MID1: variants seen among roughly 807,000 people sequenced by gnomAD.
MID1 encodes E3 ubiquitin-protein ligase Midline-1.
A neutral mutation model predicts 40.4 loss-of-function variants in MID1; 7 were observed. The observed-to-expected ratio is 0.17, with a 90% CI of 0.10 to 0.33. The LOEUF is 0.33. Among genes scored for constraint, MID1 ranks in the 10% least tolerant of loss-of-function variants. The pLI is 1.00. For missense variants in MID1, 367 were observed against 558.5 expected (o/e 0.66, Z 3.46); for synonymous variants, 229 against 221.2 (o/e 1.04, Z -0.31).
chrX:10,469,719 G>A lies in MID1; in HGVS notation c.1263C>T (p.Phe421=). 1 of 1,211,598 alleles carries A rather than the reference G, an allele frequency of 8.3e-7. No individual in the cohort carries two copies. Among genetic ancestry groups the A allele is most frequent in the Middle Eastern group, 2.3e-4 (1 of 4,353 alleles). The change falls in exon 7 of 10, where the codon TTC becomes TTT. Residue 421 remains phenylalanine (F), a synonymous_variant. Transcript: ENST00000317552. ...VVSYELQYTI[F]TGQANVVSLC... ...CACTAACGACGTTGGCTTGTCCGGT[G>A]AATATGGTGTACTGGAGCTCGTAGG...
chrX:10,503,434 GTC>G (rs1395401095), intron 3 of MID1, among the ~76,000 whole-genome samples: 1 of 112,207 alleles, frequency 8.9e-6, no homozygotes, highest in African/African-American at 3.2e-5. Context: ...GGCTCCTGAG[GTC>G]TCTGTCTTTG....
intron 1 of MID1, among the ~76,000 whole-genome samples, chrX:10,804,178 A>G (rs2044028336): frequency 8.9e-6 from 1 of 112,031 alleles, no homozygotes; most frequent in African/African-American, 3.2e-5. Context: ...GTTCTTGCAC[A>G]TTGTCTATTT....
At chrX:10,510,768 G>C (rs767406867) in intron 3 of MID1, among the ~76,000 whole-genome samples, 2 of 98,479 alleles carry the variant, frequency 2.0e-5, no homozygotes, top group South Asian at 5.2e-4. Flanking sequence ...GGAGGCAGAG[G>C]TTGCAGTGAG....
At chrX:10,821,352 A>G (rs1373558685) in intron 1 of MID1, among the ~76,000 whole-genome samples, 2 of 111,884 alleles carry the variant, frequency 1.8e-5, no homozygotes, top group African/African-American at 3.3e-5. Context: ...AGCCTTTTCA[A>G]GTGGGGACAT....
chrX:10,693,854 A>G (rs1208334880), intron 1 of MID1, among the ~76,000 whole-genome samples: 2 of 111,999 alleles, frequency 1.8e-5, no homozygotes, highest in Non-Finnish European at 3.8e-5. Context: ...GGAAAAACAG[A>G]CACTAAACTT....
At chrX:10,808,858 T>G (rs990638603) in intron 1 of MID1, among the ~76,000 whole-genome samples, 1 of 111,964 alleles carries the variant, frequency 8.9e-6, no homozygotes, top group East Asian at 2.8e-4. Flanking sequence ...ATTCAGGACA[T>G]AGGCATGGGC....
intron 7 of MID1, among the ~76,000 whole-genome samples, chrX:10,461,195 C>CTT (rs748770056): frequency 1.1e-4 from 10 of 92,560 alleles, no homozygotes; most frequent in African/African-American, 8.0e-5. Flanking sequence ...TTTCTGTTGC[C>CTT]TTTTTTTTTT....
intron 1 of MID1, among the ~76,000 whole-genome samples, chrX:10,601,451 G>GT (rs776192555): frequency 2.7e-5 from 3 of 112,494 alleles, no homozygotes; most frequent in South Asian, 3.7e-4. Context: ...TATAAATAAA[G>GT]TTTTTTTGGA....
upstream of MID1, among the ~76,000 whole-genome samples, chrX:10,620,818 A>C (rs1935925317): frequency 8.9e-6 from 1 of 112,446 alleles, no homozygotes; most frequent in African/African-American, 3.2e-5. Context: ...TAAGGGCCTT[A>C]AATCCTTGCA....
chrX:10,595,559 A>G (rs926092588), intron 1 of MID1, among the ~76,000 whole-genome samples: 2 of 111,863 alleles, frequency 1.8e-5, no homozygotes, highest in Non-Finnish European at 3.8e-5. Flanking sequence ...ATTTAAAAAC[A>G]TTAAAAAAGA....
chrX:10,540,674 T>C (rs1933434779), intron 2 of MID1, among the ~76,000 whole-genome samples: 1 of 111,361 alleles, frequency 9.0e-6, no homozygotes, highest in African/African-American at 3.3e-5. Flanking sequence ...CTAGTGCCAA[T>C]GTTCTCTAGT....
intron 1 of MID1, among the ~76,000 whole-genome samples, chrX:10,792,498 G>C (rs1405948941): frequency 8.9e-6 from 1 of 112,329 alleles, no homozygotes; most frequent in Admixed American, 9.4e-5. Context: ...CATATTGGTA[G>C]AATGTTCTAC....
In MID1 at chrX:10,737,303, T is replaced by G. The variant is rs574837215; in HGVS notation, c.-187+96251A>C. Among the ~76,000 whole-genome samples the G allele has an allele frequency of 4.5e-3, 506 of 112,596 alleles. 4 individuals carry two copies. The highest frequency in any genetic ancestry group is 8.0e-3 in the Non-Finnish European group (427 of 53,337). ...GAACCAAGCCTATGCATCAAATATA[T>G]ACACCAGGTCCCTGAAAAACAAGGC... On this transcript the variant is annotated intron_variant, in intron 1 of 10. Transcript: ENST00000380785.
intron 1 of MID1, among the ~76,000 whole-genome samples, chrX:10,578,813 T>C (rs1400262073): frequency 9.0e-6 from 1 of 111,616 alleles, no homozygotes; most frequent in Non-Finnish European, 1.9e-5. Context: ...GTAGCAGAAA[T>C]GGAAGTCACT....
intron 4 of MID1, among the ~76,000 whole-genome samples, chrX:10,493,620 G>A (rs1172671473): frequency 5.4e-5 from 6 of 111,564 alleles, no homozygotes; most frequent in Non-Finnish European, 7.5e-5. Flanking sequence ...CTATTGCATG[G>A]CATGGTGAAA....
At chrX:10,543,199 T>G (rs909065538) in intron 2 of MID1, among the ~76,000 whole-genome samples, 10 of 112,409 alleles carry the variant, frequency 8.9e-5, no homozygotes, top group African/African-American at 2.6e-4. Flanking sequence ...ATCATTCTCC[T>G]TAAGTTACTC....
At chrX:10,580,905 G>A (rs1161621696) in intron 1 of MID1, among the ~76,000 whole-genome samples, 1 of 100,784 alleles carries the variant, frequency 9.9e-6, no homozygotes, top group East Asian at 3.1e-4. Context: ...GTCTAGTTTT[G>A]GGCTGACACT....
intron 2 of MID1, among the ~76,000 whole-genome samples, chrX:10,554,363 C>T (rs1934038206): frequency 8.9e-6 from 1 of 111,931 alleles, no homozygotes; most frequent in African/African-American, 3.2e-5. Flanking sequence ...AACCACATCT[C>T]AAAACAACTT....
At chrX:10,787,666 C>G (rs1026676719) in intron 1 of MID1, among the ~76,000 whole-genome samples, 32 of 101,031 alleles carry the variant, frequency 3.2e-4, no homozygotes, top group African/African-American at 1.0e-3. Flanking sequence ...TCGGCTAAGC[C>G]TCCCAAAGTG....
Sources: gnomAD v4.1 joint callset for allele counts (sites outside exome capture counted in the v4.1 genomes callset) on GRCh38, gnomAD v4.1.1 for gene constraint, MANE v1.5 for transcripts, NCBI Gene and HGNC (gene_info 2026-07-23, HGNC 2026-07-21) for gene names.